The following TF variants were observed in gnomAD, a reference collection of about 807,000 sequenced individuals.
TF encodes serotransferrin.
TF carries 55 observed loss-of-function variants against 82.4 expected under a neutral mutation model. The ratio of observed to expected loss-of-function variants is 0.67; its 90% CI spans 0.54 to 0.84. The LOEUF is 0.84. Among genes scored for constraint, TF ranks in the 40% least tolerant of loss-of-function variants. TF has a pLI of 0.00. For synonymous variants in TF, 332 were observed against 332.6 expected, an observed-to-expected ratio of 1.00 and a Z score of 0.02; for missense variants, 737 against 868.4, an observed-to-expected ratio of 0.85 and a Z score of 1.90.
chr3:133,677,774 C>A, the TF span, among the ~76,000 whole-genome samples: 19 of 152,124 alleles, frequency 1.2e-4, no homozygotes, highest in African/African-American at 4.3e-4. Flanking sequence ...ACCCCAAACA[C>A]CTAGGCTCAA....
intron 9 of TF, among the ~76,000 whole-genome samples, chr3:133,763,783 C>T (rs1934054911): frequency 6.6e-6 from 1 of 152,200 alleles, no homozygotes; most frequent in Non-Finnish European, 1.5e-5. Context: ...AGGCTAGAGC[C>T]CCCCTTCAGA....
intron 12 of TF, among the ~76,000 whole-genome samples, chr3:133,767,014 A>G (rs1452777382): frequency 6.6e-6 from 1 of 152,232 alleles, no homozygotes; most frequent in Non-Finnish European, 1.5e-5. Context: ...CCTACCCCAG[A>G]TAAAACCAGA....
At chr3:133,670,883 G>A in the TF span, among the ~76,000 whole-genome samples, 4 of 152,248 alleles carry the variant, frequency 2.6e-5, no homozygotes, top group African/African-American at 7.2e-5. Flanking sequence ...CTTTACCTGA[G>A]CAGAGGGTCA....
the TF span, among the ~76,000 whole-genome samples, chr3:133,724,737 A>G: frequency 6.6e-6 from 1 of 152,208 alleles, no homozygotes; most frequent in Non-Finnish European, 1.5e-5. Context: ...GCCCATGCCT[A>G]TGTCCTGAAT....
intron 9 of TF, 62 bp downstream of exon 9, chr3:133,759,391 A>ACC (rs1319552999): frequency 6.3e-7 from 1 of 1,599,148 alleles, no homozygotes; most frequent in African/African-American, 1.3e-5. Flanking sequence ...GGCCCCCAAG[A>ACC]CTGAGCTAGG....
chr3:133,733,371 C>T, the TF span, among the ~76,000 whole-genome samples: 2 of 152,168 alleles, frequency 1.3e-5, no homozygotes, highest in Admixed American at 6.5e-5. Context: ...TACTAACCTC[C>T]TTCCCATCTT....
intron 14 of TF, 195 bp downstream of exon 14, chr3:133,770,767 A>G (rs1057403705): frequency 1.5e-6 from 1 of 654,024 alleles, no homozygotes; most frequent in Non-Finnish European, 2.7e-6. Flanking sequence ...TGGGGCCCCC[A>G]ATGGCCCTAA....
chr3:133,693,778 A>G, the TF span, among the ~76,000 whole-genome samples: 1 of 152,192 alleles, frequency 6.6e-6, no homozygotes, highest in African/African-American at 2.4e-5. Flanking sequence ...TGAGGTAAAG[A>G]AGGACTATTT....
the TF span, chr3:133,707,721 T>A: frequency 5.3e-5 from 8 of 152,236 alleles, no homozygotes; most frequent in African/African-American, 1.2e-4. Context: ...ATCGTCTAAT[T>A]CTAAAAATTT....
At position 133,782,140 on chromosome 3, in the gene TF, A is replaced by C. The variant is rs538363924; in HGVS notation, c.*3520A>C. The C allele has an allele frequency of 1.3e-5, 2 of 152,340 alleles. No homozygotes were observed. Among genetic ancestry groups the C allele is most frequent in the Admixed American group, 6.5e-5 (1 of 15,310 alleles). The allele number at this position is 152,340 out of a possible 1,614,324, so 9.4% of individuals were successfully genotyped here. On this transcript the variant is annotated 3_prime_UTR_variant, in exon 17 of 17. Transcript: ENST00000402696. ...ATGACTATTATCAAAAAGTCAAAAG[A>C]TATTAATCATAAACGTGGATAAGGG...
chr3:133,731,310 TAAATAATGTTGGAAG>T, the TF span, among the ~76,000 whole-genome samples: 1 of 152,292 alleles, frequency 6.6e-6, no homozygotes, highest in Admixed American at 6.5e-5. Context: ...GTACAATCCT[TAAATAATGTTGGAAG>T]AAATTGTGAA....
At position 133,755,359 on chromosome 3, in the gene TF, G is replaced by A. The variant is rs748499648; in HGVS notation, c.503-4G>A. 4 of 1,614,102 alleles carry A rather than the reference G, an allele frequency of 2.5e-6. No individual in the cohort carries two copies. The Admixed American group carries it at 6.7e-5, about 27-fold the overall frequency. On this transcript the variant is annotated splice_polypyrimidine_tract_variant and splice_region_variant and intron_variant, in intron 4 of 16. Transcript: ENST00000402696. ...TCTGTTGTCCATTTCTCTGTGCTGA[G>A]CAGCAGTGGCCAATTTCTTCTCGGG...
intron 11 of TF, 77 bp from the exon 12 acceptor site, chr3:133,766,201 A>G (rs1484837931): frequency 7.2e-7 from 1 of 1,391,728 alleles, no homozygotes; most frequent in East Asian, 2.3e-5. Context: ...TTGCTTCCCT[A>G]GGGAAATTGA....
chr3:133,732,237 G>C, the TF span, among the ~76,000 whole-genome samples: 5 of 152,220 alleles, frequency 3.3e-5, no homozygotes, highest in Admixed American at 1.3e-4. Flanking sequence ...GAGAGGTGAA[G>C]CTGGCTGGGC....
At chr3:133,733,387 A>C in the TF span, among the ~76,000 whole-genome samples, 2 of 152,152 alleles carry the variant, frequency 1.3e-5, no homozygotes, top group African/African-American at 4.8e-5. Flanking sequence ...ATCTTTGCCA[A>C]GCCTGCCGAG....
chr3:133,699,503 C>A, the TF span: 1 of 1,144,712 alleles, frequency 8.7e-7, no homozygotes, highest in Non-Finnish European at 1.2e-6. Context: ...TGAACAACAC[C>A]CAGAAGCTGG....
intron 5 of TF, chr3:133,755,770 C>T (rs182100333): frequency 1.9e-5 from 10 of 521,120 alleles, no homozygotes; most frequent in East Asian, 1.4e-4. Flanking sequence ...CTCGGTGGAT[C>T]GGGCAGAGCC....
the TF span, among the ~76,000 whole-genome samples, chr3:133,714,324 G>A: frequency 2.0e-5 from 3 of 152,180 alleles, no homozygotes; most frequent in Non-Finnish European, 4.4e-5. Context: ...CTGTATGAAT[G>A]AGTTATGTGA....
At chr3:133,682,019 A>G in the TF span, among the ~76,000 whole-genome samples, 1 of 152,184 alleles carries the variant, frequency 6.6e-6, no homozygotes, top group Non-Finnish European at 1.5e-5. Context: ...AGGAATGATC[A>G]GGCAGCAACA....
Sources: allele counts gnomAD v4.1 joint callset (sites outside exome capture counted in the v4.1 genomes callset), GRCh38; gene constraint gnomAD v4.1.1; transcripts MANE v1.5; gene names NCBI Gene and HGNC (gene_info 2026-07-23, HGNC 2026-07-21).